GTF3C1: variants seen among roughly 807,000 people sequenced by gnomAD.
GTF3C1 encodes the protein general transcription factor 3C polypeptide 1.
Under a neutral mutation model 226.7 loss-of-function variants are expected in GTF3C1, and 57 were observed. That is an observed-to-expected ratio of 0.25 (90% confidence interval 0.20 to 0.31). The LOEUF (loss-of-function observed/expected upper bound fraction) is 0.31, where lower values mean the gene tolerates loss of function less well. Among genes scored for constraint, GTF3C1 ranks in the 10% least tolerant of loss-of-function variants. GTF3C1 has a pLI of 1.00. For missense variants in GTF3C1, 2,217 were observed against 2,776.1 expected (o/e 0.80, Z 4.53); for synonymous variants, 1,090 against 1,084.8 (o/e 1.00, Z -0.09).
intron 6 of GTF3C1, among the ~76,000 whole-genome samples, chr16:27,513,372 T>C (rs569019008): frequency 7.9e-5 from 12 of 152,322 alleles, no homozygotes; most frequent in Admixed American, 7.8e-4. Context: ...GAGGATTGCT[T>C]GAGCCTGGGA....
intron 7 of GTF3C1, among the ~76,000 whole-genome samples, chr16:27,511,342 C>G (rs955323550): frequency 6.6e-6 from 1 of 152,356 alleles, no homozygotes; most frequent in Non-Finnish European, 1.5e-5. Context: ...GACCTGCCCC[C>G]ACGGCTTCCC....
intron 32 of GTF3C1, among the ~76,000 whole-genome samples, chr16:27,467,446 CT>C (rs1169876370): frequency 1.3e-5 from 2 of 152,240 alleles, no homozygotes; most frequent in Non-Finnish European, 2.9e-5. Flanking sequence ...CATGATGCCC[CT>C]GGTCACCCAT....
chr16:27,484,192 G>GTTTCACTGA lies in GTF3C1; in HGVS notation c.4001+18_4001+19insTCAGTGAAA. On this transcript the variant is annotated intron_variant, in intron 25 of 36. Coordinates refer to ENST00000356183, the MANE Select transcript of GTF3C1 (RefSeq NM_001520.4). ...AACGTAACCGTGTCCCGGAGTGACG[G>GTTTCACTGA]GGCTTCAATGAGGCTTACTTATAGT... 2.5e-6 allele frequency: 4 copies of GTTTCACTGA among 1,573,724 alleles called. No homozygotes were observed. The highest frequency in any genetic ancestry group is 3.5e-6 in the Non-Finnish European group (4 of 1,143,504).
intron 29 of GTF3C1, among the ~76,000 whole-genome samples, chr16:27,475,258 G>C (rs959984041): frequency 6.6e-6 from 1 of 152,196 alleles, no homozygotes; most frequent in East Asian, 1.9e-4. Context: ...AATAGGGCTT[G>C]GGCTTAACAT....
rs368203794 is a variant in GTF3C1, at chr16:27,464,789, C to T, written c.5403G>A (p.Ala1801=). ...AGGCAGAGCCCATGGCTACCAGGCG[C>T]GCAGTGTTGCCACCGACCTCCAGCA... The part of the protein sequence containing the change: ...HQVLEVGGNT[A]RLVAMGSAWP... The change falls in exon 34 of 37, where the codon GCG becomes GCA. Residue 1801 remains alanine (A), a synonymous_variant. Transcript: ENST00000356183. The T allele has an allele frequency of 1.8e-5, 27 of 1,540,700 alleles. No homozygotes were observed. The highest frequency in any genetic ancestry group is 8.4e-5 in the Admixed American group (4 of 47,892).
intron 29 of GTF3C1, among the ~76,000 whole-genome samples, chr16:27,472,404 T>TC (rs1188823328): frequency 6.6e-6 from 1 of 152,118 alleles, no homozygotes; most frequent in Non-Finnish European, 1.5e-5. Flanking sequence ...CTGACTGGTC[T>TC]CCCTCCTTCC....
At chr16:27,527,327 G>A (rs560966991) in intron 6 of GTF3C1, among the ~76,000 whole-genome samples, 57 of 152,288 alleles carry the variant, frequency 3.7e-4, no homozygotes, top group Non-Finnish European at 6.8e-4. Flanking sequence ...GATTACAGGC[G>A]TGTGCCACCA....
In GTF3C1 at chr16:27,470,564, T is replaced by C. The variant is rs1184605176; in HGVS notation, c.4527-169A>G. 1.6e-6 allele frequency: 1 copy of C among 614,894 alleles called. No individual in the cohort carries two copies. Among genetic ancestry groups the C allele is most frequent in the African/African-American group, 1.8e-5 (1 of 54,326 alleles). 38.1% of individuals were successfully genotyped at this position (614,894 alleles called of 1,614,324 possible). A position where few individuals can be genotyped will look rare whatever the true frequency, so the allele number is the denominator to read the frequency against. Reference sequence around the variant, plus strand: ...CAGATGAAGGTGCTGCATTCCCACCTAGCGGTGTTTGTGTCTCTCTTCCCC... The same window carrying C: ...CAGATGAAGGTGCTGCATTCCCACCCAGCGGTGTTTGTGTCTCTCTTCCCC... On this transcript the variant is annotated intron_variant, in intron 30 of 36. Transcript: ENST00000356183. The surrounding 1 kb of genome is among the most constrained non-coding windows in gnomAD (Gnocchi z 4.9).
In GTF3C1 at chr16:27,469,526, C is replaced by G; in HGVS notation, c.4839G>C (p.Glu1613Asp). Residue 1613 changes from glutamate to aspartate, a missense_variant, in exon 32 of 37, where the codon GAG (glutamate) becomes GAC (aspartate). Coordinates refer to ENST00000356183, the MANE Select transcript of GTF3C1 (RefSeq NM_001520.4). This position sits in a 1 kb window ranked among gnomAD's most constrained non-coding sequence, Gnocchi z 4.5. Reference sequence around the variant, plus strand: ...AGTCATCCTCTTCATCCTCGTCATCCTCCAGGCTGCCGTCCTTCCCCAAGC... The same window carrying G: ...AGTCATCCTCTTCATCCTCGTCATCGTCCAGGCTGCCGTCCTTCCCCAAGC... ...IKSLGKDGSL[E>D]DDEDEEDDLD... The G allele has an allele frequency of 6.2e-7, 1 of 1,612,190 alleles. No homozygotes were observed. The highest frequency in any genetic ancestry group is 8.5e-7 in the Non-Finnish European group (1 of 1,178,350).
Position 27,462,384 on chromosome 16 carries a change from G to A in GTF3C1, c.6027C>T (p.His2009=), listed in dbSNP as rs781459613. ...CGGGGATGCCAGGCCTGGTCATGAT[G>A]TGGTACAGCATGGCCTCCATCATAC... is the stretch of plus-strand genomic sequence containing the variant. ...CKGMMEAMLY[H]IMTRPGIPES... Residue 2009 remains histidine, a synonymous_variant, in exon 36 of 37, where the codon CAC becomes CAT. Transcript: ENST00000356183. This position sits in a 1 kb window ranked among gnomAD's most constrained non-coding sequence, Gnocchi z 4.5. 6.2e-6 allele frequency: 10 copies of A among 1,606,402 alleles called. No individual in the cohort carries two copies. The East Asian group carries it at 2.2e-4, about 36-fold the overall frequency.
intron 29 of GTF3C1, among the ~76,000 whole-genome samples, chr16:27,473,736 C>T (rs1431086333): frequency 1.3e-5 from 2 of 152,196 alleles, no homozygotes; most frequent in East Asian, 3.9e-4. Context: ...CTGAATGAAG[C>T]CTGTGCAACT....
At chr16:27,546,675 T>C (rs915110648) in intron 1 of GTF3C1, among the ~76,000 whole-genome samples, 3 of 152,046 alleles carry the variant, frequency 2.0e-5, no homozygotes, top group Admixed American at 6.6e-5. Context: ...CTCACTCATA[T>C]CCTACACTAG....
chr16:27,476,416 C>T, intron 29 of GTF3C1, 35 bp downstream of exon 29: 3 of 1,354,188 alleles, frequency 2.2e-6, no homozygotes, highest in Non-Finnish European at 3.2e-6. Context: ...GAAGGGCCCA[C>T]ATCCCCGCTG....
chr16:27,492,350 T>G lies in GTF3C1; in HGVS notation c.3139A>C (p.Asn1047His). ...AGCCGACACCCACCTAGTGGGGTGT[T>G]GAGGCAGACGCACTGCAGGTCAAAC... ...YWFDLQCVCLNTPLGVVRCPR... is the reference protein window; with the variant it reads ...YWFDLQCVCLHTPLGVVRCPR... The change falls in exon 19 of 37, where the codon AAC becomes CAC. Residue 1047 changes from asparagine to histidine, a missense_variant. Physicochemically the swap from Asn to His is moderately conservative, Grantham distance 68. Transcript: ENST00000356183. The surrounding 1 kb of genome is among the most constrained non-coding windows in gnomAD (Gnocchi z 5.0). 1 of 1,595,994 alleles carries G rather than the reference T, an allele frequency of 6.3e-7. No individual in the cohort carries two copies. Among genetic ancestry groups the G allele is most frequent in the Non-Finnish European group, 8.6e-7 (1 of 1,167,220 alleles).
intron 28 of GTF3C1, among the ~76,000 whole-genome samples, chr16:27,477,311 CTT>C (rs34199607): frequency 6.8e-6 from 1 of 146,512 alleles, no homozygotes. Flanking sequence ...TTTTCTCTTC[CTT>C]TTTTTTTTTT....
Position 27,495,192 on chromosome 16 carries a change from AGTGGCAGGGGCCTCTCACCTGTCTCC to A in GTF3C1, c.2625_2632+18del. On this transcript the variant is annotated splice_donor_variant and splice_donor_5th_base_variant and coding_sequence_variant and intron_variant, in exon 15 of 37. Coordinates refer to ENST00000356183, the MANE Select transcript of GTF3C1 (RefSeq NM_001520.4). LOFTEE classifies it high-confidence loss of function. ...TGGGCCTGCCCGCCCCAGGTGCAGG[AGTGGCAGGGGCCTCTCACCTGTCTCC>A]GTGGCAAGCTCCACTTCAGCCTCCC... 1 of 1,585,826 alleles carries A rather than the reference AGTGGCAGGGGCCTCTCACCTGTCTCC, an allele frequency of 6.3e-7. No individual in the cohort carries two copies. The highest frequency in any genetic ancestry group is 8.6e-7 in the Non-Finnish European group (1 of 1,156,924).
chr16:27,547,226 ACT>A (rs2089178320), intron 1 of GTF3C1, among the ~76,000 whole-genome samples: 1 of 151,612 alleles, frequency 6.6e-6, no homozygotes, highest in East Asian at 1.9e-4. Context: ...ACCACACTAC[ACT>A]CTCTCTTAGG....
At chr16:27,536,061 C>G (rs2088996834) in intron 4 of GTF3C1, among the ~76,000 whole-genome samples, 2 of 152,160 alleles carry the variant, frequency 1.3e-5, no homozygotes, top group Admixed American at 1.3e-4. Context: ...GCTGCGACTG[C>G]CCGCCATTTC....
intron 25 of GTF3C1, among the ~76,000 whole-genome samples, chr16:27,483,688 G>A (rs1777584345): frequency 6.6e-6 from 1 of 152,208 alleles, no homozygotes; most frequent in African/African-American, 2.4e-5. Flanking sequence ...TTTACAGCCT[G>A]GTAAGGCAAG....
Sources: allele counts gnomAD v4.1 joint callset (sites outside exome capture counted in the v4.1 genomes callset), GRCh38; gene constraint gnomAD v4.1.1; non-coding constraint Gnocchi (gnomAD v3.1); transcripts MANE v1.5; gene names NCBI Gene and HGNC (gene_info 2026-07-23, HGNC 2026-07-21).